SVOPL: variants seen among roughly 807,000 people sequenced by gnomAD.
The protein encoded by SVOPL is putative transporter SVOPL.
SVOPL carries 60 observed loss-of-function variants against 61.0 expected under a neutral mutation model. That is an observed-to-expected ratio of 0.98 (90% confidence interval 0.80 to 1.22). The LOEUF is 1.22. SVOPL is among the 50% of genes most tolerant of loss of function. The pLI, the probability that SVOPL is intolerant of heterozygous loss-of-function variation, is 0.00. For synonymous variants in SVOPL, 279 were observed against 250.0 expected, an observed-to-expected ratio of 1.12 and a Z score of -1.09; for missense variants, 662 against 643.9, an observed-to-expected ratio of 1.03 and a Z score of -0.30.
chr7:138,624,693 C>CTTTT (rs35627200), intron 13 of SVOPL, among the ~76,000 whole-genome samples: 1 of 137,996 alleles, frequency 7.2e-6, no homozygotes, highest in Admixed American at 7.4e-5. Flanking sequence ...TAGAACCAAA[C>CTTTT]TTTTTTTTTT....
chr7:138,649,259 C>T (rs1292514473), intron 7 of SVOPL, 122 bp from the exon 8 acceptor site: 5 of 1,299,012 alleles, frequency 3.8e-6, no homozygotes, highest in Non-Finnish European at 4.1e-6. Flanking sequence ...CTTCACATAT[C>T]TTCTTTTGGG....
At chr7:138,607,660 T>C (rs1325161191) in intron 14 of SVOPL, among the ~76,000 whole-genome samples, 1 of 151,898 alleles carries the variant, frequency 6.6e-6, no homozygotes, top group Non-Finnish European at 1.5e-5. Flanking sequence ...GGTGAAGGAA[T>C]GAGTGGAAGG....
At chr7:138,679,223 G>A (rs540505248) in intron 1 of SVOPL, 144 bp from the exon 2 acceptor site, 57 of 573,966 alleles carry the variant, frequency 9.9e-5, no homozygotes, top group African/African-American at 8.2e-4. Context: ...TTTTCACACC[G>A]GGCCTCTGGA....
chr7:138,620,444 C>CAAAAAA lies in SVOPL; in HGVS notation c.1353+596_1353+601dup, dbSNP rs3080386. 2.4e-3 allele frequency among the ~76,000 whole-genome samples: 210 copies of CAAAAAA among 87,270 alleles called. 3 individuals carry two copies. The highest frequency in any genetic ancestry group is 7.6e-3 in the African/African-American group (178 of 23,486). The allele number at this position is 87,270 out of a possible 152,430, so 57.3% of individuals were successfully genotyped here. A position where few individuals can be genotyped will look rare whatever the true frequency, so the allele number is the denominator to read the frequency against. Reference sequence around the variant, plus strand: ...GTCTGGATTTCTGTTTCTTTGCAGCCAAAAAAAAAAAAAAAAAAAGACTGA... The same window carrying CAAAAAA: ...GTCTGGATTTCTGTTTCTTTGCAGCCAAAAAAAAAAAAAAAAAAAAAAAAAGACTGA... On this transcript the variant is annotated intron_variant, in intron 14 of 15. Transcript: ENST00000674285.
At chr7:138,666,467 G>A (rs899816018) in intron 4 of SVOPL, among the ~76,000 whole-genome samples, 5 of 152,138 alleles carry the variant, frequency 3.3e-5, no homozygotes, top group Non-Finnish European at 7.3e-5. Flanking sequence ...CAACTAAGAC[G>A]GGCCCCAAGG....
intron 3 of SVOPL, among the ~76,000 whole-genome samples, chr7:138,677,720 A>T (rs953860595): frequency 1.3e-5 from 2 of 151,772 alleles, no homozygotes; most frequent in Admixed American, 1.3e-4. Context: ...ATAAGACTTC[A>T]AAAGAACCTT....
chr7:138,699,750 G>A (rs1803148552), intron 1 of SVOPL, among the ~76,000 whole-genome samples: 1 of 152,204 alleles, frequency 6.6e-6, no homozygotes, highest in Admixed American at 6.5e-5. Flanking sequence ...TGGAAAAAAA[G>A]GGCTGGTGGT....
chr7:138,678,794 C>T (rs573264620), intron 2 of SVOPL, among the ~76,000 whole-genome samples, 170 bp downstream of exon 2: 1 of 152,310 alleles, frequency 6.6e-6, no homozygotes, highest in South Asian at 2.1e-4. Context: ...AGGTCCCAAA[C>T]TCCTGACCTC....
chr7:138,676,623 C>G (rs536466831), intron 3 of SVOPL, among the ~76,000 whole-genome samples: 37 of 152,294 alleles, frequency 2.4e-4, no homozygotes, highest in African/African-American at 7.7e-4. Context: ...AGTAAACAAG[C>G]CTTCATCAGT....
chr7:138,605,008 G>A (rs767086089), intron 14 of SVOPL, among the ~76,000 whole-genome samples: 2 of 151,780 alleles, frequency 1.3e-5, no homozygotes, highest in Non-Finnish European at 2.9e-5. Context: ...CTGAAGCCAG[G>A]AGTTCAAGAC....
chr7:138,667,769 A>G (rs1041011477), intron 4 of SVOPL, among the ~76,000 whole-genome samples: 4 of 152,220 alleles, frequency 2.6e-5, no homozygotes, highest in African/African-American at 9.6e-5. Flanking sequence ...TAACTGAGTC[A>G]GTGAAAGAGA....
At chr7:138,635,216 G>A (rs1800411391) in intron 9 of SVOPL, among the ~76,000 whole-genome samples, 1 of 151,074 alleles carries the variant, frequency 6.6e-6, no homozygotes, top group African/African-American at 2.4e-5. Flanking sequence ...TGGTTGCAGT[G>A]AGCCAAGATT....
rs530178026 is a variant in SVOPL at position 138,692,972 on chromosome 7, A to G, written c.-35+8206T>C. 7.6e-4 allele frequency among the ~76,000 whole-genome samples: 116 copies of G among 152,304 alleles called. 2 individuals are homozygous for G. In the South Asian group the frequency reaches 0.023, roughly 30 times the overall value. ...CCCAAAGAATCAACATGCTAACTAAAGTTCACATAATAAGGACTAGAGCTA... is the reference window on the plus strand; with the variant it reads ...CCCAAAGAATCAACATGCTAACTAAGGTTCACATAATAAGGACTAGAGCTA... On this transcript the variant is annotated intron_variant, in intron 1 of 15. Coordinates refer to ENST00000674285, the MANE Select transcript of SVOPL (RefSeq NM_001139456.2).
At chr7:138,641,033 T>C (rs552748310) in intron 9 of SVOPL, among the ~76,000 whole-genome samples, 37 of 152,084 alleles carry the variant, frequency 2.4e-4, no homozygotes, top group Non-Finnish European at 5.0e-4. Flanking sequence ...CAAGACTCCA[T>C]GTTTACAAGA....
chr7:138,689,308 A>C (rs998593306), intron 1 of SVOPL: 135 of 1,592,306 alleles, frequency 8.5e-5, no homozygotes, highest in Non-Finnish European at 1.0e-4. Flanking sequence ...TTAGATGTAG[A>C]TTCTCTGGTC....
chr7:138,677,983 C>T (rs1158033363), intron 3 of SVOPL, among the ~76,000 whole-genome samples: 2 of 152,032 alleles, frequency 1.3e-5, no homozygotes, highest in Non-Finnish European at 2.9e-5. Context: ...CCAGGCTGGT[C>T]TCAAACTCCT....
chr7:138,656,340 T>A, intron 7 of SVOPL, 108 bp downstream of exon 7: 1 of 1,096,572 alleles, frequency 9.1e-7, no homozygotes, highest in Non-Finnish European at 1.4e-6. Context: ...GATACTCGCT[T>A]AATTGCAGCG....
chr7:138,656,988 G>A (rs1025591852), intron 6 of SVOPL, among the ~76,000 whole-genome samples: 1 of 151,570 alleles, frequency 6.6e-6, no homozygotes, highest in Non-Finnish European at 1.5e-5. Flanking sequence ...GTTGTGGTGA[G>A]CCAATATTGT....
At chr7:138,604,186 A>C (rs1317457383) in intron 14 of SVOPL, among the ~76,000 whole-genome samples, 1 of 151,118 alleles carries the variant, frequency 6.6e-6, no homozygotes, top group Non-Finnish European at 1.5e-5. Flanking sequence ...CTGGTCTCAG[A>C]CTCCCAGGAT....
Sources: allele counts gnomAD v4.1 joint callset (sites outside exome capture counted in the v4.1 genomes callset), GRCh38; gene constraint gnomAD v4.1.1; transcripts MANE v1.5; gene names NCBI Gene and HGNC (gene_info 2026-07-23, HGNC 2026-07-21).